Variants in PRKN observed in about 807,000 individuals in gnomAD.
PRKN encodes parkin RBR E3 ubiquitin protein ligase.
PRKN carries 56 observed loss-of-function variants against 59.5 expected under a neutral mutation model. That is an observed-to-expected ratio of 0.94 (90% CI 0.76 to 1.18). The LOEUF is 1.18. Ranked by LOEUF, PRKN falls within the 50% of genes most tolerant of loss-of-function variation. The pLI, the probability that PRKN is intolerant of heterozygous loss-of-function variation, is 0.00. For missense variants in PRKN, 657 were observed against 596.4 expected (o/e 1.10, Z -1.06); for synonymous variants, 250 against 222.1 (o/e 1.13, Z -1.12).
chr6:162,611,968 A>C (rs183518267), intron 1 of PRKN, among the ~76,000 whole-genome samples: 1 of 151,706 alleles, frequency 6.6e-6, no homozygotes, highest in South Asian at 2.1e-4. Context: ...GGCGTATCAT[A>C]AGGTCAGGAG....
intron 7 of PRKN, among the ~76,000 whole-genome samples, chr6:161,781,281 T>C (rs528417267): frequency 6.6e-6 from 1 of 152,344 alleles, no homozygotes; most frequent in Admixed American, 6.5e-5. Context: ...AAAGCAAATT[T>C]CTATGAGTAT....
At chr6:162,245,778 T>C (rs2128093501) in intron 3 of PRKN, among the ~76,000 whole-genome samples, 1 of 152,282 alleles carries the variant, frequency 6.6e-6, no homozygotes, top group East Asian at 1.9e-4. Context: ...TTCCCTTTGG[T>C]GGTCACAGTG....
rs1225865761 is a variant in PRKN, at chr6:161,357,249, G to A, written c.1285+2839C>T. 1.3e-5 allele frequency among the ~76,000 whole-genome samples: 2 copies of A among 151,938 alleles called. No homozygotes were observed. Among genetic ancestry groups the A allele is most frequent in the Admixed American group, 6.6e-5 (1 of 15,228 alleles). On this transcript the variant is annotated intron_variant, in intron 11 of 11. Coordinates refer to ENST00000366898, the MANE Select transcript of PRKN (RefSeq NM_004562.3). This position sits in a 1 kb window ranked among gnomAD's most constrained non-coding sequence, Gnocchi z 5.5. Reference sequence around the variant, plus strand: ...CTATTTTTAGTGGAGACGGGGTTTCGCCATGTTGGCCAGGCTGGTCTCGAA... The same window carrying A: ...CTATTTTTAGTGGAGACGGGGTTTCACCATGTTGGCCAGGCTGGTCTCGAA...
chr6:161,761,367 T>A (rs1789195878), intron 7 of PRKN, among the ~76,000 whole-genome samples: 1 of 56,452 alleles, frequency 1.8e-5, no homozygotes, highest in Middle Eastern at 8.9e-3. Flanking sequence ...GACAAATGCA[T>A]GGATCAATAT....
At chr6:161,628,273 G>A (rs1421140868) in intron 7 of PRKN, among the ~76,000 whole-genome samples, 1 of 152,174 alleles carries the variant, frequency 6.6e-6, no homozygotes, top group Non-Finnish European at 1.5e-5. Context: ...ACTATAGACT[G>A]GATGGCTTAT....
chr6:161,690,361 C>T (rs956996310), intron 7 of PRKN, among the ~76,000 whole-genome samples: 1 of 152,220 alleles, frequency 6.6e-6, no homozygotes, highest in African/African-American at 2.4e-5. Flanking sequence ...TGAATTGGAA[C>T]TTTCCTCTAA....
intron 9 of PRKN, among the ~76,000 whole-genome samples, chr6:161,521,377 G>C (rs1219084270): frequency 6.6e-6 from 1 of 152,174 alleles, no homozygotes; most frequent in Non-Finnish European, 1.5e-5. Context: ...ATAAAATTAG[G>C]ATAGAAATCC....
intron 1 of PRKN, chr6:162,569,385 A>C: frequency 1.5e-6 from 1 of 661,320 alleles, no homozygotes; most frequent in Middle Eastern, 3.9e-4. Flanking sequence ...ATGGCGTGGC[A>C]GCTGCATGAG....
chr6:161,906,228 T>C (rs1016504768), intron 6 of PRKN, among the ~76,000 whole-genome samples: 1 of 152,198 alleles, frequency 6.6e-6, no homozygotes. Flanking sequence ...AATAATATCA[T>C]GGTATATTTT....
chr6:161,691,073 T>TCCATCCAC (rs1206933738), intron 7 of PRKN, among the ~76,000 whole-genome samples: 44 of 151,196 alleles, frequency 2.9e-4, no homozygotes, highest in Non-Finnish European at 3.1e-4. Flanking sequence ...CATCCATCCA[T>TCCATCCAC]CCACCCACCC....
intron 1 of PRKN, among the ~76,000 whole-genome samples, chr6:162,512,231 G>T (rs1244853186): frequency 2.0e-5 from 3 of 152,252 alleles, no homozygotes; most frequent in African/African-American, 7.2e-5. Flanking sequence ...TACAACAAAA[G>T]ATTTTCTTGA....
At chr6:162,543,039 G>T (rs149896566) in intron 1 of PRKN, among the ~76,000 whole-genome samples, 53 of 152,260 alleles carry the variant, frequency 3.5e-4, no homozygotes, top group Middle Eastern at 6.8e-3. Context: ...TAGTGACAGT[G>T]CCACTAATAA....
In PRKN at chr6:161,402,121, G is replaced by A. The variant is rs937507818; in HGVS notation, c.1084-15244C>T. ...ACCGCCCTGACAGTCTCAGTGGCAG[G>A]CCAGGCTCTAAAGGCTCCTCTGGAT... On this transcript the variant is annotated intron_variant, in intron 9 of 11. Coordinates refer to ENST00000366898, the MANE Select transcript of PRKN (RefSeq NM_004562.3). The surrounding 1 kb of genome is among the most constrained non-coding windows in gnomAD (Gnocchi z 4.5). Among the ~76,000 whole-genome samples, 1 of 152,070 alleles carries A rather than the reference G, an allele frequency of 6.6e-6. No individual in the cohort carries two copies. The highest frequency in any genetic ancestry group is 1.5e-5 in the Non-Finnish European group (1 of 68,026).
intron 6 of PRKN, among the ~76,000 whole-genome samples, chr6:161,821,228 A>AT (rs1792009824): frequency 1.3e-5 from 2 of 152,146 alleles, no homozygotes; most frequent in Admixed American, 1.3e-4. Flanking sequence ...ATACCCACTG[A>AT]TATCAGTCTG....
chr6:161,900,725 TTATG>T (rs1337309010), intron 6 of PRKN, among the ~76,000 whole-genome samples: 3 of 131,514 alleles, frequency 2.3e-5, no homozygotes, highest in Non-Finnish European at 3.1e-5. Context: ...ATATAATACA[TTATG>T]TATAACATAT....
Position 161,497,577 on chromosome 6 carries a change from T to TCTCTCTCTCA in PRKN, c.1083+51276_1083+51277insTGAGAGAGAG, listed in dbSNP as rs369404858. Among the ~76,000 whole-genome samples the TCTCTCTCTCA allele has an allele frequency of 2.0e-5, 3 of 147,388 alleles. No homozygotes were observed. The highest frequency in any genetic ancestry group is 7.6e-5 in the African/African-American group (3 of 39,682). On this transcript the variant is annotated intron_variant, in intron 9 of 11. Transcript: ENST00000366898. This position sits in a 1 kb window ranked among gnomAD's most constrained non-coding sequence, Gnocchi z 4.6. Reference sequence around the variant, plus strand: ...ATGTCTCTCTCTCTCTCTCTCTCTCTCACACACACACACACACACACCATA... The same window carrying TCTCTCTCTCA: ...ATGTCTCTCTCTCTCTCTCTCTCTCTCTCTCTCTCACACACACACACACACACACACCATA...
At chr6:161,828,803 G>A (rs1434698829) in intron 6 of PRKN, among the ~76,000 whole-genome samples, 1 of 152,118 alleles carries the variant, frequency 6.6e-6, no homozygotes, top group African/African-American at 2.4e-5. Flanking sequence ...GGTGGCAGCT[G>A]CCTGTAGTCC....
chr6:161,703,407 A>T (rs1786335486), intron 7 of PRKN, among the ~76,000 whole-genome samples: 3 of 152,250 alleles, frequency 2.0e-5, no homozygotes, highest in Admixed American at 2.0e-4. Flanking sequence ...CATTAGTGAA[A>T]CATAAGTTAA....
At chr6:161,802,819 C>T (rs1017776881) in intron 6 of PRKN, among the ~76,000 whole-genome samples, 2 of 152,174 alleles carry the variant, frequency 1.3e-5, no homozygotes, top group Non-Finnish European at 2.9e-5. Context: ...TTTGTCTTTC[C>T]TCAGTTAGAA....
Sources: gnomAD v4.1 joint callset for allele counts (sites outside exome capture counted in the v4.1 genomes callset) on GRCh38, gnomAD v4.1.1 for gene constraint, Gnocchi (gnomAD v3.1) non-coding constraint, MANE v1.5 for transcripts, NCBI Gene and HGNC (gene_info 2026-07-23, HGNC 2026-07-21) for gene names.